The following GCNT1 variants were observed in gnomAD, a reference collection of about 807,000 sequenced individuals.
The protein encoded by GCNT1 is beta-1,3-galactosyl-O-glycosyl-glycoprotein beta-1,6-N-acetylglucosaminyltransferase.
A neutral mutation model predicts 26.2 loss-of-function variants in GCNT1; 16 were observed. The ratio of observed to expected loss-of-function variants is 0.61; its 90% CI spans 0.41 to 0.93. GCNT1 has a LOEUF of 0.93. Among genes scored for constraint, GCNT1 ranks in the 40% least tolerant of loss-of-function variants. The pLI is 0.00. For synonymous variants in GCNT1, 183 were observed against 190.8 expected (o/e 0.96, Z 0.34); for missense variants, 477 against 526.7 (o/e 0.91, Z 0.92).
chr9:76,495,630 G>A (rs1824887858), intron 2 of GCNT1, among the ~76,000 whole-genome samples: 3 of 152,112 alleles, frequency 2.0e-5, no homozygotes, highest in South Asian at 2.1e-4. Flanking sequence ...GTACATTTAC[G>A]ATCATCTAGC....
intron 2 of GCNT1, among the ~76,000 whole-genome samples, chr9:76,461,572 G>A (rs1431806333): frequency 4.2e-5 from 6 of 144,444 alleles, no homozygotes; most frequent in African/African-American, 1.5e-4. Flanking sequence ...GACAGAGCGA[G>A]AGTCTGTCTC....
the GCNT1 span, among the ~76,000 whole-genome samples, chr9:76,396,371 C>T: frequency 6.6e-6 from 1 of 151,958 alleles, no homozygotes; most frequent in Non-Finnish European, 1.5e-5. Flanking sequence ...GAGCGGATCT[C>T]TTGAGCTGAG....
rs1825256491 is a variant in GCNT1 at position 76,507,005 on chromosome 9, T to G, written c.*3337T>G. The stretch of plus-strand genomic sequence containing the variant: ...GAAAATATCACATTGAAAATGCATT[T>G]AATATCTCTTACCTGAAATCATAAC... On this transcript the variant is annotated 3_prime_UTR_variant, in exon 4 of 4. Coordinates refer to ENST00000376730, the MANE Select transcript of GCNT1 (RefSeq NM_001490.5). 6.0e-6 allele frequency: 1 copy of G among 167,082 alleles called. No homozygotes were observed. Among genetic ancestry groups the G allele is most frequent in the Non-Finnish European group, 1.5e-5 (1 of 68,102 alleles). 10.3% of individuals were successfully genotyped at this position (167,082 alleles called of 1,614,324 possible).
the GCNT1 span, among the ~76,000 whole-genome samples, chr9:76,397,539 G>T: frequency 6.6e-6 from 1 of 151,640 alleles, no homozygotes; most frequent in Non-Finnish European, 1.5e-5. Flanking sequence ...CACCTCCCGG[G>T]CTCAAGTGAT....
upstream of GCNT1, among the ~76,000 whole-genome samples, chr9:76,419,318 C>G (rs148966925): frequency 7.9e-5 from 12 of 152,296 alleles, no homozygotes; most frequent in East Asian, 2.3e-3. Context: ...AATACCATGT[C>G]TGGCACAGGG....
At chr9:76,493,190 G>A (rs903623353) in intron 2 of GCNT1, among the ~76,000 whole-genome samples, 9 of 152,168 alleles carry the variant, frequency 5.9e-5, no homozygotes, top group African/African-American at 9.7e-5. Flanking sequence ...GTCAGCAGAC[G>A]TTTACGACTC....
the GCNT1 span, among the ~76,000 whole-genome samples, chr9:76,407,102 C>T: frequency 6.6e-6 from 1 of 151,654 alleles, no homozygotes; most frequent in Non-Finnish European, 1.5e-5. Flanking sequence ...CCTATGTTAT[C>T]TTCTAGGAAT....
chr9:76,426,475 G>A (rs1823258944), intron 1 of GCNT1, among the ~76,000 whole-genome samples: 1 of 152,108 alleles, frequency 6.6e-6, no homozygotes, highest in Non-Finnish European at 1.5e-5. Flanking sequence ...GGCTGAGGTG[G>A]GAGGATCACT....
chr9:76,465,237 G>A (rs1823967905), intron 2 of GCNT1, among the ~76,000 whole-genome samples: 1 of 150,720 alleles, frequency 6.6e-6, no homozygotes, highest in Admixed American at 6.6e-5. Context: ...TCGGCTCACT[G>A]CAACCTCTGC....
upstream of GCNT1, among the ~76,000 whole-genome samples, chr9:76,415,558 G>A (rs977870752): frequency 1.3e-5 from 2 of 152,212 alleles, no homozygotes; most frequent in African/African-American, 2.4e-5. Context: ...GAACCTAGAA[G>A]GGTAGAGGGA....
intron 1 of GCNT1, among the ~76,000 whole-genome samples, chr9:76,451,739 T>TGTTGTTTAAAG (rs969117307): frequency 3.3e-5 from 5 of 152,172 alleles, no homozygotes; most frequent in African/African-American, 9.7e-5. Context: ...AACAAAATTC[T>TGTTGTTTAAAG]GTTGTTTAAA....
At chr9:76,437,558 C>T (rs569361730), upstream of GCNT1, among the ~76,000 whole-genome samples, 16 of 152,352 alleles carry the variant, frequency 1.1e-4, no homozygotes, top group Admixed American at 9.8e-4. Context: ...CAACCAGCAA[C>T]CCTTGGGGAT....
chr9:76,502,336 A>C lies in GCNT1; in HGVS notation c.-46A>C. The C allele has an allele frequency of 7.3e-7, 1 of 1,361,904 alleles. No individual in the cohort carries two copies. 84.4% of individuals were successfully genotyped at this position (1,361,904 alleles called of 1,614,324 possible). On this transcript the variant is annotated 5_prime_UTR_variant, in exon 4 of 4. Coordinates refer to ENST00000376730, the MANE Select transcript of GCNT1 (RefSeq NM_001490.5). ...AGGGAAAATCATTGGTGCTTGGAGC[A>C]TAGAAGACTGCCCTTCACAAAGGAA...
At chr9:76,452,892 C>A (rs1369319560) in intron 1 of GCNT1, among the ~76,000 whole-genome samples, 1 of 152,176 alleles carries the variant, frequency 6.6e-6, no homozygotes, top group East Asian at 1.9e-4. Context: ...ATCTAAGGAG[C>A]TTTACCTACC....
intron 1 of GCNT1, among the ~76,000 whole-genome samples, chr9:76,423,129 T>G (rs2131572039): frequency 6.6e-6 from 1 of 152,360 alleles, no homozygotes; most frequent in Non-Finnish European, 1.5e-5. Flanking sequence ...CTTTTCTAAC[T>G]TAGTCGTCCA....
intron 1 of GCNT1, 79 bp from the exon 2 acceptor site, chr9:76,459,981 G>A (rs1202090802): frequency 6.6e-6 from 1 of 152,082 alleles, no homozygotes; most frequent in Non-Finnish European, 1.5e-5. Flanking sequence ...AAGTATCTCA[G>A]GCAGATTCCT....
In GCNT1 at chr9:76,433,200, G is replaced by A. The variant is rs925483245; in HGVS notation, n.38+13313G>A. 4.6e-4 allele frequency among the ~76,000 whole-genome samples: 70 copies of A among 152,162 alleles called. 1 individual carries two copies. The highest frequency in any genetic ancestry group is 1.7e-4 in the African/African-American group (7 of 41,444). ...CCCCTCCGAATGCAGGTACAAAGAC[G>A]ACAGTAACACTGTAGCCCTCTGCCC... On this transcript the variant is annotated intron_variant and non_coding_transcript_variant, in intron 1 of 3. Coordinates refer to the GCNT1 transcript ENST00000488136.
At chr9:76,476,548 T>C (rs1319838120) in intron 2 of GCNT1, among the ~76,000 whole-genome samples, 2 of 138,028 alleles carry the variant, frequency 1.4e-5, no homozygotes, top group Non-Finnish European at 3.2e-5. Flanking sequence ...AAGATTGCTA[T>C]TTAAAAAAAA....
At chr9:76,477,123 C>T (rs1044114205) in intron 2 of GCNT1, among the ~76,000 whole-genome samples, 11 of 151,282 alleles carry the variant, frequency 7.3e-5, no homozygotes, top group Non-Finnish European at 1.0e-4. Context: ...CCATGTTGGC[C>T]GGGCTGGTCT....
Sources: gnomAD v4.1 joint callset for allele counts (sites outside exome capture counted in the v4.1 genomes callset) on GRCh38, gnomAD v4.1.1 for gene constraint, MANE v1.5 for transcripts, NCBI Gene and HGNC (gene_info 2026-07-23, HGNC 2026-07-21) for gene names.